Variants in TGOLN2 observed in about 807,000 individuals in gnomAD.
TGOLN2 encodes the protein trans-Golgi network integral membrane protein 2.
In TGOLN2, 19 loss-of-function variants were observed where a neutral mutation model predicts 31.3. That is an observed-to-expected ratio of 0.61 (90% CI 0.42 to 0.89). The LOEUF (loss-of-function observed/expected upper bound fraction) is 0.89. Ranked by LOEUF, TGOLN2 falls within the 40% of genes least tolerant of loss-of-function variation. The pLI, the probability that TGOLN2 is intolerant of heterozygous loss-of-function variation, is 0.00. For synonymous variants in TGOLN2, 222 were observed against 226.7 expected (o/e 0.98, Z 0.19); for missense variants, 540 against 559.2 (o/e 0.97, Z 0.35).
rs1682486717 is a variant in TGOLN2 at position 85,319,759 on chromosome 2, T to C, written c.*2977A>G. ...CCATATGGCATGGAGAAAGAAAACC[T>C]CTCTGCCAGAAGGAACTGAACTCTG... On this transcript the variant is annotated 3_prime_UTR_variant, in exon 4 of 4. Transcript: ENST00000377386. The C allele has an allele frequency of 6.6e-6, 1 of 152,168 alleles. No individual in the cohort carries two copies. Among genetic ancestry groups the C allele is most frequent in the Non-Finnish European group, 1.5e-5 (1 of 68,054 alleles). 9.4% of individuals were successfully genotyped at this position (152,168 alleles called of 1,614,324 possible).
At position 85,325,084 on chromosome 2, in the gene TGOLN2, G is replaced by A. The variant is rs192655432; in HGVS notation, c.1225-86C>T. On this transcript the variant is annotated intron_variant, in intron 2 of 3. Transcript: ENST00000377386. Reference sequence around the variant, plus strand: ...TGAACTCAGAGGCAGTCACCTGGTAGCATATTTGTTAATGACCCTGACTGT... The same window carrying A: ...TGAACTCAGAGGCAGTCACCTGGTAACATATTTGTTAATGACCCTGACTGT... 3,435 of 1,291,214 alleles carry A rather than the reference G, an allele frequency of 2.7e-3. 56 individuals are homozygous for A. The African/African-American group carries it at 0.041, about 15-fold the overall frequency. 80.0% of individuals were successfully genotyped at this position (1,291,214 alleles called of 1,614,324 possible). A position where few individuals can be genotyped will look rare whatever the true frequency, so the allele number is the denominator to read the frequency against.
At chr2:85,324,207 G>C (rs1414448936) in intron 3 of TGOLN2, among the ~76,000 whole-genome samples, 1 of 152,138 alleles carries the variant, frequency 6.6e-6, no homozygotes, top group Admixed American at 6.5e-5. Context: ...CGGATCACCT[G>C]AGGTTGGGAG....
chr2:85,324,173 A>G (rs1371775983), intron 3 of TGOLN2, among the ~76,000 whole-genome samples: 2 of 152,216 alleles, frequency 1.3e-5, no homozygotes, highest in Non-Finnish European at 2.9e-5. Context: ...CTGTAATCTC[A>G]GCACTTTGGG....
In TGOLN2 at chr2:85,320,089, G is replaced by A. The variant is rs1462155575; in HGVS notation, c.*2647C>T. The A allele has an allele frequency of 6.6e-5, 10 of 152,376 alleles. No homozygotes were observed. The highest frequency in any genetic ancestry group is 6.5e-4 in the Admixed American group (10 of 15,282). 9.4% of individuals were successfully genotyped at this position (152,376 alleles called of 1,614,324 possible). On this transcript the variant is annotated 3_prime_UTR_variant, in exon 4 of 4. Transcript: ENST00000377386. The stretch of plus-strand genomic sequence containing the variant: ...CCTAACCAAAGAAACATGGGAAGCT[G>A]GAAAGTCGAGGGCACAGCCGGAATA...
In TGOLN2 at chr2:85,325,436, G is replaced by A. The variant is rs150982720; in HGVS notation, c.1225-438C>T. Among the ~76,000 whole-genome samples, 42 of 151,992 alleles carry A rather than the reference G, an allele frequency of 2.8e-4. 1 individual carries two copies. Among genetic ancestry groups the A allele is most frequent in the African/African-American group, 9.9e-4 (41 of 41,428 alleles). On this transcript the variant is annotated intron_variant, in intron 2 of 3. Coordinates refer to ENST00000377386, the MANE Select transcript of TGOLN2 (RefSeq NM_006464.4). ...TTATCAATCTCATTTCATGACTAAG[G>A]TTACCCTGCATAATGGACACTTGGA...
At position 85,324,936 on chromosome 2, in the gene TGOLN2, G is replaced by A. The variant is rs1682681330; in HGVS notation, c.1287C>T (p.Asp429=). ...TTACCTTCTGGTCCAAACGTTGGTAGTCACTGGCCTTTGGCCGCCGGGTGA... is the reference window on the plus strand; with the variant it reads ...TTACCTTCTGGTCCAAACGTTGGTAATCACTGGCCTTTGGCCGCCGGGTGA... ...SKVTRRPKAS[D]YQRLDQKS is the part of the protein sequence containing the mutation. Residue 429 remains aspartate (D), a synonymous_variant, in exon 3 of 4, where the codon GAC becomes GAT. Transcript: ENST00000377386. The A allele has an allele frequency of 1.3e-6, 2 of 1,555,348 alleles. No individual in the cohort carries two copies. Among genetic ancestry groups the A allele is most frequent in the African/African-American group, 1.4e-5 (1 of 73,270 alleles).
chr2:85,324,554 A>G, intron 3 of TGOLN2: 1 of 365,354 alleles, frequency 2.7e-6, no homozygotes, highest in Non-Finnish European at 4.9e-6. Context: ...AGAATGCAGA[A>G]AGCTCAGGAC....
Position 85,326,808 on chromosome 2 carries a change from C to A in TGOLN2, c.924G>T (p.Pro308=), listed in dbSNP as rs768409885. Residue 308 remains proline, a synonymous_variant, in exon 2 of 4, where the codon CCG becomes CCT. Transcript: ENST00000377386. ...GCTCTGAAGACTTAACTTCCTCCTG[C>A]GGGGGAGAAATGAGGTCAGTTTCCT... ...SGEETDLISP[P]QEEVKSSEPT... The A allele has an allele frequency of 3.1e-6, 5 of 1,614,002 alleles. No homozygotes were observed. Among genetic ancestry groups the A allele is most frequent in the South Asian group, 1.1e-5 (1 of 91,084 alleles).
At chr2:85,326,373 G>A (rs989870484) in intron 2 of TGOLN2, 135 bp downstream of exon 2, 1 of 776,014 alleles carries the variant, frequency 1.3e-6, no homozygotes, top group African/African-American at 1.7e-5. Context: ...GCCTAATAGG[G>A]CCTGAGGAAA....
Position 85,322,759 on chromosome 2 carries a change from C to A in TGOLN2, c.1309-18G>T, listed in dbSNP as rs370369759. 41 of 1,610,028 alleles carry A rather than the reference C, an allele frequency of 2.5e-5. No individual in the cohort carries two copies. The highest frequency in any genetic ancestry group is 4.5e-5 in the East Asian group (2 of 44,682). On this transcript the variant is annotated intron_variant, in intron 3 of 3. Transcript: ENST00000377386. Reference sequence around the variant, plus strand: ...TGTTAGGACTTAGGGGAAAAAAGATCTTTTAGGAGGTGCAGGGAAAACATT... The same window carrying A: ...TGTTAGGACTTAGGGGAAAAAAGATATTTTAGGAGGTGCAGGGAAAACATT...
Position 85,322,406 on chromosome 2 carries a change from G to C in TGOLN2, c.*330C>G. ...AGGCTGGGATCTCCCTTTGGTCATA[G>C]CCGTGTTTCCATATACCCCTCCACT... is the stretch of plus-strand genomic sequence containing the variant. On this transcript the variant is annotated 3_prime_UTR_variant, in exon 4 of 4. Coordinates refer to ENST00000377386, the MANE Select transcript of TGOLN2 (RefSeq NM_006464.4). 2.4e-6 allele frequency: 1 copy of C among 416,168 alleles called. No individual in the cohort carries two copies. Among genetic ancestry groups the C allele is most frequent in the Non-Finnish European group, 4.3e-6 (1 of 235,182 alleles). 25.8% of individuals were successfully genotyped at this position (416,168 alleles called of 1,614,324 possible).
intron 1 of TGOLN2, 105 bp from the exon 2 acceptor site, chr2:85,327,790 TG>T: frequency 2.9e-6 from 1 of 345,652 alleles, no homozygotes; most frequent in Non-Finnish European, 4.5e-6. Flanking sequence ...GATTGGGGGG[TG>T]GGGCGGGAGA....
intron 3 of TGOLN2, 171 bp downstream of exon 3, chr2:85,324,744 T>C: frequency 1.5e-6 from 1 of 664,276 alleles, no homozygotes. Flanking sequence ...GATATGTGTA[T>C]CTAGATGTTT....
At position 85,327,310 on chromosome 2, in the gene TGOLN2, C is replaced by A. The variant is rs112065068; in HGVS notation, c.422G>T (p.Gly141Val). Residue 141 changes from glycine to valine, a missense_variant, in exon 2 of 4, where the codon GGT (glycine) becomes GTT (valine). Gly to Val is a moderately radical substitution (Grantham distance 109). Transcript: ENST00000377386. The stretch of plus-strand genomic sequence containing the variant: ...GTCTTCTGGGGTCTGCGCCTCCGCA[C>A]CCGATTTGCCAGTGCTGTCTTTTGG... The part of the protein sequence containing the change: ...QTPKDSTGKS[G>V]AEAQTPEDSP... 6.2e-6 allele frequency: 10 copies of A among 1,613,248 alleles called. No homozygotes were observed. In the East Asian group the frequency reaches 2.2e-4, roughly 36 times the overall value.
At chr2:85,327,844 C>T in intron 1 of TGOLN2, 73 bp downstream of exon 1, 2 of 1,559,758 alleles carry the variant, frequency 1.3e-6, no homozygotes, top group Non-Finnish European at 1.7e-6. Flanking sequence ...AAGAAGCGAG[C>T]CTAGAGGTGA....
Position 85,322,580 on chromosome 2 carries a change from T to C in TGOLN2, c.*156A>G. ...CCACTAAATTCTAGAGGAGGGTGTC[T>C]CTCAGGTCACAGTACTTTTTTCTTC... is the stretch of plus-strand genomic sequence containing the variant. On this transcript the variant is annotated 3_prime_UTR_variant, in exon 4 of 4. Coordinates refer to ENST00000377386, the MANE Select transcript of TGOLN2 (RefSeq NM_006464.4). 6.7e-7 allele frequency: 1 copy of C among 1,483,862 alleles called. No homozygotes were observed. The highest frequency in any genetic ancestry group is 9.0e-7 in the Non-Finnish European group (1 of 1,116,620). 91.9% of individuals were successfully genotyped at this position (1,483,862 alleles called of 1,614,324 possible).
At chr2:85,323,240 GA>G (rs1682609404) in intron 3 of TGOLN2, among the ~76,000 whole-genome samples, 1 of 152,154 alleles carries the variant, frequency 6.6e-6, no homozygotes, top group African/African-American at 2.4e-5. Context: ...TTACAGGCGT[GA>G]ACCACTATGC....
chr2:85,327,493 G>A lies in TGOLN2; in HGVS notation c.239C>T (p.Thr80Ile). 1 of 1,592,786 alleles carries A rather than the reference G, an allele frequency of 6.3e-7. No individual in the cohort carries two copies. Among genetic ancestry groups the A allele is most frequent in the Non-Finnish European group, 8.5e-7 (1 of 1,172,088 alleles). ...TGCCTCCGCACCCGACTTGTTGGGG[G>A]TGTCTTCTGGGGTCTGCGCCTCCGC... is the stretch of plus-strand genomic sequence containing the variant. Reference protein sequence around the residue: ...SSAEAQTPEDTPNKSGAEAKT... With the variant: ...SSAEAQTPEDIPNKSGAEAKT... Residue 80 changes from threonine to isoleucine, a missense_variant, in exon 2 of 4, where the codon ACC becomes ATC. Physicochemically the swap from Thr to Ile is moderately conservative, Grantham distance 89 (BLOSUM62 -1). Coordinates refer to ENST00000377386, the MANE Select transcript of TGOLN2 (RefSeq NM_006464.4).
At chr2:85,327,789 G>T in intron 1 of TGOLN2, 104 bp from the exon 2 acceptor site, 1 of 1,468,694 alleles carries the variant, frequency 6.8e-7, no homozygotes, top group Non-Finnish European at 9.3e-7. Context: ...GGATTGGGGG[G>T]TGGGGCGGGA....
Sources: allele counts gnomAD v4.1 joint callset (sites outside exome capture counted in the v4.1 genomes callset), GRCh38; gene constraint gnomAD v4.1.1; transcripts MANE v1.5; gene names NCBI Gene and HGNC (gene_info 2026-07-23, HGNC 2026-07-21).